RAD51B: variants seen among roughly 807,000 people sequenced by gnomAD.
The protein encoded by RAD51B is RAD51 paralog B, also known as DNA repair protein RAD51 homolog 2.
RAD51B carries 38 observed loss-of-function variants against 42.2 expected under a neutral mutation model. The observed-to-expected ratio is 0.90, with a 90% confidence interval of 0.70 to 1.18. RAD51B has a LOEUF of 1.18. RAD51B is among the 50% of genes most tolerant of loss of function. RAD51B has a pLI of 0.00. For missense variants in RAD51B, 373 were observed against 400.7 expected, an observed-to-expected ratio of 0.93 and a Z score of 0.59; for synonymous variants, 154 against 145.2, an observed-to-expected ratio of 1.06 and a Z score of -0.43.
At chr14:68,581,119 GC>G (rs1890190505) in intron 10 of RAD51B, among the ~76,000 whole-genome samples, 1 of 152,124 alleles carries the variant, frequency 6.6e-6, no homozygotes, top group East Asian at 1.9e-4. Flanking sequence ...TAAGTAATCT[GC>G]CTTTAAGATG....
intron 10 of RAD51B, among the ~76,000 whole-genome samples, chr14:68,632,368 G>A (rs1227573862): frequency 6.6e-6 from 1 of 152,142 alleles, no homozygotes; most frequent in African/African-American, 2.4e-5. Flanking sequence ...TGTTTCTCAG[G>A]GAGAGCGGCC....
intron 7 of RAD51B, among the ~76,000 whole-genome samples, chr14:68,073,118 G>A (rs1049789857): frequency 2.0e-5 from 3 of 152,156 alleles, no homozygotes; most frequent in Admixed American, 2.0e-4. Flanking sequence ...TGTCAGTGGG[G>A]TGTTGGAAGT....
intron 7 of RAD51B, among the ~76,000 whole-genome samples, chr14:68,014,920 T>G (rs2075751323): frequency 6.7e-6 from 1 of 149,928 alleles, no homozygotes. Flanking sequence ...TATTTGAGAG[T>G]GCCAAACCCT....
intron 10 of RAD51B, among the ~76,000 whole-genome samples, chr14:68,602,840 A>G (rs1202933815): frequency 6.6e-6 from 1 of 152,206 alleles, no homozygotes; most frequent in Non-Finnish European, 1.5e-5. Flanking sequence ...AACATTACCC[A>G]TCATGCTTTT....
intron 4 of RAD51B, among the ~76,000 whole-genome samples, chr14:67,849,779 T>C (rs1188788713): frequency 6.6e-6 from 1 of 152,222 alleles, no homozygotes; most frequent in Non-Finnish European, 1.5e-5. Context: ...CTGGATTGTT[T>C]TATTAGATTC....
At chr14:68,177,938 A>C (rs558732499) in intron 7 of RAD51B, among the ~76,000 whole-genome samples, 1 of 152,292 alleles carries the variant, frequency 6.6e-6, no homozygotes, top group South Asian at 2.1e-4. Context: ...TGACCTTGGC[A>C]TTGCTTCAAA....
intron 7 of RAD51B, among the ~76,000 whole-genome samples, chr14:67,929,040 CT>C (rs1271568264): frequency 1.8e-4 from 28 of 151,990 alleles, no homozygotes; most frequent in African/African-American, 4.8e-4. Context: ...TTTTGTTTAT[CT>C]TTTCCAATGA....
In RAD51B at chr14:68,638,386, G is replaced by A. The variant is rs537376380; in HGVS notation, c.1037-12395G>A. Among the ~76,000 whole-genome samples the A allele has an allele frequency of 3.0e-4, 46 of 152,240 alleles. 1 individual carries two copies. In the South Asian group the frequency reaches 5.8e-3, roughly 19 times the overall value. On this transcript the variant is annotated intron_variant, in intron 10 of 11. Transcript: ENST00000488612. ...GAGCAGCCAGCTTCTTGCGAGCCAG[G>A]CCAGGCTTCCAAGCAAGCTCCAAGA...
At chr14:68,479,896 T>C (rs1463183610), downstream of RAD51B, among the ~76,000 whole-genome samples, 1 of 151,998 alleles carries the variant, frequency 6.6e-6, no homozygotes, top group African/African-American at 2.4e-5. Flanking sequence ...CTTGAACTCC[T>C]GGGCTCAAGT....
At chr14:67,992,426 G>T (rs772725927) in intron 7 of RAD51B, among the ~76,000 whole-genome samples, 1 of 152,156 alleles carries the variant, frequency 6.6e-6, no homozygotes, top group Non-Finnish European at 1.5e-5. Context: ...GTTAAGTAGT[G>T]AATTTTCCAG....
chr14:68,665,709 C>T (rs1893019615), intron 11 of RAD51B, among the ~76,000 whole-genome samples: 1 of 152,194 alleles, frequency 6.6e-6, no homozygotes, highest in South Asian at 2.1e-4. Flanking sequence ...AGGTGCTTTT[C>T]CACGAATGGC....
At chr14:67,997,524 C>T (rs1389043301) in intron 7 of RAD51B, among the ~76,000 whole-genome samples, 2 of 152,090 alleles carry the variant, frequency 1.3e-5, no homozygotes, top group African/African-American at 2.4e-5. Context: ...GCCTCCAACC[C>T]CTTCTCTATA....
chr14:68,348,639 CCTG>C (rs1879595772), intron 8 of RAD51B, among the ~76,000 whole-genome samples: 1 of 152,226 alleles, frequency 6.6e-6, no homozygotes, highest in African/African-American at 2.4e-5. Context: ...GTGGCTCACG[CCTG>C]TAATCCCAGC....
intron 7 of RAD51B, among the ~76,000 whole-genome samples, chr14:67,901,651 G>C (rs571029058): frequency 4.6e-5 from 7 of 152,328 alleles, no homozygotes; most frequent in African/African-American, 1.7e-4. Context: ...ACAGTTCACA[G>C]TAACAAAGAT....
At chr14:68,446,988 G>T (rs1403919721) in intron 9 of RAD51B, among the ~76,000 whole-genome samples, 1 of 152,128 alleles carries the variant, frequency 6.6e-6, no homozygotes, top group Non-Finnish European at 1.5e-5. Context: ...AGGCCGAGGC[G>T]GGCGGATCAC....
intron 2 of RAD51B, 148 bp downstream of exon 2, chr14:67,823,775 A>C: frequency 1.1e-5 from 7 of 615,130 alleles, no homozygotes; most frequent in Non-Finnish European, 1.6e-5. Flanking sequence ...TGTAAATATC[A>C]AGCCTCCTTG....
chr14:68,233,655 G>A (rs2080190011), intron 7 of RAD51B, among the ~76,000 whole-genome samples: 1 of 152,156 alleles, frequency 6.6e-6, no homozygotes, highest in African/African-American at 2.4e-5. Context: ...AAACACAGAA[G>A]CAGCAGCAAA....
At chr14:68,239,723 G>C (rs1224445977) in intron 7 of RAD51B, among the ~76,000 whole-genome samples, 3 of 152,040 alleles carry the variant, frequency 2.0e-5, no homozygotes, top group African/African-American at 7.2e-5. Flanking sequence ...ACCATATGAG[G>C]CCTCTTTACC....
intron 7 of RAD51B, among the ~76,000 whole-genome samples, chr14:68,012,114 G>A (rs796885963): frequency 1.6e-4 from 25 of 152,156 alleles, no homozygotes; most frequent in African/African-American, 5.3e-4. Context: ...GACATTTATT[G>A]TAATGGAAAT....
Sources: gnomAD v4.1 joint callset for allele counts (sites outside exome capture counted in the v4.1 genomes callset) on GRCh38, gnomAD v4.1.1 for gene constraint, MANE v1.5 for transcripts, NCBI Gene and HGNC (gene_info 2026-07-23, HGNC 2026-07-21) for gene names.